Variants in KIF3B observed in about 807,000 individuals in gnomAD.
The protein encoded by KIF3B is kinesin family member 3B, also known as kinesin-like protein KIF3B.
A neutral mutation model predicts 74.3 loss-of-function variants in KIF3B; 38 were observed. That is an observed-to-expected ratio of 0.51 (90% CI 0.39 to 0.67). KIF3B has a LOEUF of 0.67. Among genes scored for constraint, KIF3B ranks in the 30% least tolerant of loss-of-function variants. The probability of loss-of-function intolerance (pLI) is 0.00; values close to 1 mark genes in which losing one functional copy is unlikely to be tolerated. For missense variants in KIF3B, 649 were observed against 932.0 expected (o/e 0.70, Z 3.95); for synonymous variants, 326 against 342.5 (o/e 0.95, Z 0.53).
chr20:32,281,984 T>C (rs1448776834), intron 1 of KIF3B, among the ~76,000 whole-genome samples: 1 of 152,130 alleles, frequency 6.6e-6, no homozygotes, highest in Non-Finnish European at 1.5e-5. Flanking sequence ...AGCGCTCAGA[T>C]CATACAGGAC....
intron 7 of KIF3B, among the ~76,000 whole-genome samples, chr20:32,329,231 C>T (rs999819615): frequency 5.9e-5 from 9 of 152,198 alleles, no homozygotes; most frequent in East Asian, 1.9e-4. Context: ...TTAGTAGAGA[C>T]GGGGTTTCAC....
chr20:32,302,867 T>C (rs1306615717), intron 1 of KIF3B, among the ~76,000 whole-genome samples: 1 of 152,212 alleles, frequency 6.6e-6, no homozygotes, highest in Non-Finnish European at 1.5e-5. Flanking sequence ...AACATCTGTC[T>C]CTTTCTTCCC....
intron 5 of KIF3B, among the ~76,000 whole-genome samples, chr20:32,321,052 G>C (rs1215352272): frequency 6.6e-6 from 1 of 152,120 alleles, no homozygotes; most frequent in Non-Finnish European, 1.5e-5. Flanking sequence ...TTCAAGTACA[G>C]TGTTTTGGAT....
At chr20:32,322,758 TTATATA>T (rs1307334079) in intron 5 of KIF3B, among the ~76,000 whole-genome samples, 1 of 42,646 alleles carries the variant, frequency 2.3e-5, no homozygotes. Context: ...ATATATATAT[TTATATA>T]TATTTATATA....
intron 1 of KIF3B, among the ~76,000 whole-genome samples, chr20:32,307,691 G>T (rs763758298): frequency 1.8e-4 from 27 of 151,982 alleles, no homozygotes; most frequent in Middle Eastern, 3.4e-3. Flanking sequence ...GGTTTTTTTG[G>T]GAGGCCGAGG....
chr20:32,315,710 CT>C (rs1473613567), intron 2 of KIF3B, among the ~76,000 whole-genome samples: 1 of 152,108 alleles, frequency 6.6e-6, no homozygotes, highest in Non-Finnish European at 1.5e-5. Flanking sequence ...TAGACCCTGT[CT>C]TTAAAAAATT....
In KIF3B at chr20:32,332,591, A is replaced by G. The variant is rs2047935567; in HGVS notation, c.*1272A>G. 6.6e-6 allele frequency: 1 copy of G among 152,182 alleles called. No homozygotes were observed. Among genetic ancestry groups the G allele is most frequent in the South Asian group, 2.1e-4 (1 of 4,830 alleles). The allele number at this position is 152,182 out of a possible 1,614,324, so 9.4% of individuals were successfully genotyped here. On this transcript the variant is annotated 3_prime_UTR_variant, in exon 9 of 9. Coordinates refer to ENST00000375712, the MANE Select transcript of KIF3B (RefSeq NM_004798.4). ...TAAGTTTTAGTTCCTTGTATTATTG[A>G]GATTCAGAGCTTCATTTTATGTTGG... is the stretch of plus-strand genomic sequence containing the variant.
At chr20:32,299,074 CTATT>C (rs2047729486) in intron 1 of KIF3B, among the ~76,000 whole-genome samples, 1 of 152,002 alleles carries the variant, frequency 6.6e-6, no homozygotes, top group African/African-American at 2.4e-5. Flanking sequence ...CTCACTCAGC[CTATT>C]TATTTATCCA....
chr20:32,282,628 AC>A (rs2047648578), intron 1 of KIF3B, among the ~76,000 whole-genome samples: 1 of 151,858 alleles, frequency 6.6e-6, no homozygotes, highest in Admixed American at 6.6e-5. Context: ...CCAGGGCAGT[AC>A]CCATCTGTCT....
intron 5 of KIF3B, among the ~76,000 whole-genome samples, chr20:32,322,805 TATATATTTA>T (rs2047874254): frequency 2.9e-5 from 2 of 68,514 alleles, no homozygotes; most frequent in African/African-American, 1.2e-4. Context: ...TATATATTTA[TATATATTTA>T]TATATATTTA....
At chr20:32,321,227 G>A (rs533840216) in intron 5 of KIF3B, among the ~76,000 whole-genome samples, 2 of 152,104 alleles carry the variant, frequency 1.3e-5, no homozygotes, top group East Asian at 3.9e-4. Flanking sequence ...TCAGGAGTTC[G>A]AGATCACCCT....
At position 32,310,534 on chromosome 20, in the gene KIF3B, G is replaced by A. The variant is rs1453587074; in HGVS notation, c.757G>A (p.Ala253Thr). 7 of 1,613,870 alleles carry A rather than the reference G, an allele frequency of 4.3e-6. No homozygotes were observed. The highest frequency in any genetic ancestry group is 3.3e-5 in the Admixed American group (2 of 60,016). ...AGATCTTGCTGGCAGCGAACGGCAAGCCAAGACCGGCGCACAAGGGGAGAG... is the reference window on the plus strand; with the variant it reads ...AGATCTTGCTGGCAGCGAACGGCAAACCAAGACCGGCGCACAAGGGGAGAG... ...LVDLAGSERQAKTGAQGERLK... is the reference protein window; with the variant it reads ...LVDLAGSERQTKTGAQGERLK... Residue 253 changes from alanine (A) to threonine (T), a missense_variant, in exon 2 of 9, where the codon GCC becomes ACC. Physicochemically the swap from Ala to Thr is moderately conservative, Grantham distance 58 (BLOSUM62 0). This residue lies in a region of KIF3B where 363 missense variants were observed against 592.8 expected (regional missense o/e 0.61). Coordinates refer to ENST00000375712, the MANE Select transcript of KIF3B (RefSeq NM_004798.4). The surrounding 1 kb of genome is among the most constrained non-coding windows in gnomAD (Gnocchi z 6.5).
chr20:32,294,534 G>A (rs998193724), intron 1 of KIF3B, among the ~76,000 whole-genome samples: 5 of 152,232 alleles, frequency 3.3e-5, no homozygotes, highest in East Asian at 1.9e-4. Context: ...CACCCTAGAG[G>A]TCAATATTAC....
At position 32,310,572 on chromosome 20, in the gene KIF3B, T is replaced by C. The variant is rs2047794884; in HGVS notation, c.795T>C (p.Ala265=). 1.2e-6 allele frequency: 2 copies of C among 1,614,152 alleles called. No individual in the cohort carries two copies. The highest frequency in any genetic ancestry group is 4.5e-5 in the East Asian group (2 of 44,886). Residue 265 remains alanine (A), a synonymous_variant, in exon 2 of 9, where the codon GCT becomes GCC. Coordinates refer to ENST00000375712, the MANE Select transcript of KIF3B (RefSeq NM_004798.4). This position sits in a 1 kb window ranked among gnomAD's most constrained non-coding sequence, Gnocchi z 6.5. Reference sequence around the variant, plus strand: ...CACAAGGGGAGAGATTAAAAGAAGCTACCAAGATCAACCTCTCCCTTTCCG... The same window carrying C: ...CACAAGGGGAGAGATTAAAAGAAGCCACCAAGATCAACCTCTCCCTTTCCG... ...TGAQGERLKE[A]TKINLSLSAL...
intron 1 of KIF3B, among the ~76,000 whole-genome samples, chr20:32,302,462 T>C (rs1227685342): frequency 6.6e-6 from 1 of 152,218 alleles, no homozygotes; most frequent in Non-Finnish European, 1.5e-5. Flanking sequence ...TCAAAAAATA[T>C]ATGGAGCTAT....
chr20:32,309,555 A>G (rs1241500495), intron 1 of KIF3B, among the ~76,000 whole-genome samples, 158 bp from the exon 2 acceptor site: 1 of 152,120 alleles, frequency 6.6e-6, no homozygotes, highest in Non-Finnish European at 1.5e-5. Flanking sequence ...TTACCACTGA[A>G]GCTGGTTAAG....
chr20:32,296,684 G>C (rs1337119972), intron 1 of KIF3B, among the ~76,000 whole-genome samples: 1 of 152,088 alleles, frequency 6.6e-6, no homozygotes. Flanking sequence ...AGCCAGTGTT[G>C]TTATCTGGCA....
intron 1 of KIF3B, among the ~76,000 whole-genome samples, chr20:32,308,638 T>G (rs908354949): frequency 2.0e-5 from 3 of 152,100 alleles, no homozygotes; most frequent in Non-Finnish European, 4.4e-5. Context: ...CTCGAACTCC[T>G]GGCCACAAGG....
intron 1 of KIF3B, among the ~76,000 whole-genome samples, chr20:32,295,029 C>G (rs951130688): frequency 2.0e-5 from 3 of 152,182 alleles, no homozygotes; most frequent in African/African-American, 7.2e-5. Flanking sequence ...GGTGATGTGA[C>G]AAACACAAAT....
Sources: allele counts gnomAD v4.1 joint callset (sites outside exome capture counted in the v4.1 genomes callset), GRCh38; gene constraint gnomAD v4.1.1; regional missense constraint gnomAD v4.1.1; non-coding constraint Gnocchi (gnomAD v3.1); transcripts MANE v1.5; gene names NCBI Gene and HGNC (gene_info 2026-07-23, HGNC 2026-07-21).